The following RGS5 variants were observed in gnomAD, a reference collection of about 807,000 sequenced individuals.
The protein encoded by RGS5 is regulator of G-protein signalling 5.
A neutral mutation model predicts 18.9 loss-of-function variants in RGS5; 20 were observed. The ratio of observed to expected loss-of-function variants is 1.06; its 90% CI spans 0.74 to 1.54. The LOEUF (loss-of-function observed/expected upper bound fraction) is 1.54, where lower values mean the gene tolerates loss of function less well. RGS5 is among the 40% of genes most tolerant of loss of function. The pLI is 0.00. For synonymous variants in RGS5, 57 were observed against 76.2 expected (o/e 0.75, Z 1.31); for missense variants, 201 against 211.8 (o/e 0.95, Z 0.32).
At chr1:163,285,750 T>C (rs923122226) in intron 2 of RGS5, among the ~76,000 whole-genome samples, 1 of 151,830 alleles carries the variant, frequency 6.6e-6, no homozygotes, top group Non-Finnish European at 1.5e-5. Context: ...AATCTGGTTG[T>C]TTGAAAGTTT....
At chr1:163,190,949 T>C (rs948116563) in intron 1 of RGS5, among the ~76,000 whole-genome samples, 22 of 152,222 alleles carry the variant, frequency 1.4e-4, no homozygotes, top group African/African-American at 4.1e-4. Flanking sequence ...CTGATGACCA[T>C]CAGAAGTCCC....
At chr1:163,289,227 T>C (rs1649217844) in intron 2 of RGS5, among the ~76,000 whole-genome samples, 1 of 151,822 alleles carries the variant, frequency 6.6e-6, no homozygotes, top group Non-Finnish European at 1.5e-5. Flanking sequence ...GCCTCCACCC[T>C]TTTCTGCTTG....
At chr1:163,173,622 G>A (rs769269932) in intron 1 of RGS5, among the ~76,000 whole-genome samples, 1 of 152,168 alleles carries the variant, frequency 6.6e-6, no homozygotes, top group Non-Finnish European at 1.5e-5. Flanking sequence ...AATGTGTGAA[G>A]AACCAATTAT....
chr1:163,239,275 A>G (rs1647719574), intron 2 of RGS5: 1 of 152,154 alleles, frequency 6.6e-6, no homozygotes. Flanking sequence ...CAGGAGTTCG[A>G]GACCAGCCTG....
At chr1:163,184,948 A>G (rs184074230) in intron 1 of RGS5, among the ~76,000 whole-genome samples, 19 of 152,240 alleles carry the variant, frequency 1.2e-4, no homozygotes, top group Non-Finnish European at 2.1e-4. Flanking sequence ...AATACACCTC[A>G]CTTAGCTTTT....
intron 2 of RGS5, among the ~76,000 whole-genome samples, chr1:163,282,047 GCA>G (rs76600062): frequency 0.12 from 16,022 of 130,360 alleles, 1,298 homozygotes; most frequent in South Asian, 0.24. Flanking sequence ...GCACGCGCGC[GCA>G]CACACACACA....
chr1:163,291,299 C>T (rs1649281218), intron 2 of RGS5, among the ~76,000 whole-genome samples: 1 of 152,078 alleles, frequency 6.6e-6, no homozygotes, highest in South Asian at 2.1e-4. Context: ...ATCTATCTAG[C>T]CAACCCCATC....
chr1:163,163,869 A>G (rs1399669041), intron 2 of RGS5, among the ~76,000 whole-genome samples: 3 of 152,244 alleles, frequency 2.0e-5, no homozygotes, highest in Non-Finnish European at 4.4e-5. Flanking sequence ...AAATGAAATC[A>G]CTTTCCTGCC....
At chr1:163,182,865 C>T (rs563583102) in intron 1 of RGS5, among the ~76,000 whole-genome samples, 63 of 151,894 alleles carry the variant, frequency 4.1e-4, no homozygotes, top group Non-Finnish European at 8.2e-4. Context: ...ACTTTATAGA[C>T]TGAAAGTTTC....
chr1:163,226,583 G>T (rs945967265), intron 2 of RGS5, among the ~76,000 whole-genome samples: 1 of 152,136 alleles, frequency 6.6e-6, no homozygotes, highest in African/African-American at 2.4e-5. Flanking sequence ...TTTTTGAGAT[G>T]CACCGCCACC....
chr1:163,188,786 C>T (rs984516974), intron 1 of RGS5, among the ~76,000 whole-genome samples: 11 of 151,864 alleles, frequency 7.2e-5, no homozygotes, highest in African/African-American at 2.2e-4. Context: ...GGTGAAACCC[C>T]GTCTCTACTA....
chr1:163,177,826 G>A (rs10159453), intron 1 of RGS5, among the ~76,000 whole-genome samples: 18,113 of 152,158 alleles, frequency 0.12, 1,087 homozygotes, highest in South Asian at 0.22. Context: ...AAAGACTGTT[G>A]CCAGGCATTT....
intron 2 of RGS5, among the ~76,000 whole-genome samples, chr1:163,275,105 A>T (rs577055163): frequency 3.9e-5 from 6 of 152,234 alleles, no homozygotes; most frequent in African/African-American, 1.4e-4. Context: ...GACAGAGCAA[A>T]AACCTGTCTC....
At chr1:163,292,344 T>C (rs553119186) in intron 2 of RGS5, among the ~76,000 whole-genome samples, 21 of 152,342 alleles carry the variant, frequency 1.4e-4, no homozygotes, top group African/African-American at 4.8e-4. Context: ...GCAAAAGACA[T>C]GATCTCATTC....
chr1:163,293,267 TAA>T lies in RGS5; in HGVS notation c.-281+12964_-281+12965del, dbSNP rs555755431. ...CTACCTAAGACTGGGTATTTATAAA[TAA>T]AAGAGGCTTAATTGACTCACAGTTC... On this transcript the variant is annotated intron_variant, in intron 2 of 5. Transcript: ENST00000618415. 8.4e-4 allele frequency among the ~76,000 whole-genome samples: 128 copies of T among 152,266 alleles called. 1 individual carries two copies. Among genetic ancestry groups the T allele is most frequent in the Admixed American group, 1.5e-3 (23 of 15,286 alleles).
At chr1:163,191,519 C>T (rs536630559) in intron 1 of RGS5, among the ~76,000 whole-genome samples, 142 of 152,222 alleles carry the variant, frequency 9.3e-4, no homozygotes, top group African/African-American at 3.3e-3. Flanking sequence ...AAAATGGGAG[C>T]AGTGAAGGTG....
chr1:163,222,151 T>G (rs138301884), upstream of RGS5, among the ~76,000 whole-genome samples: 1 of 151,990 alleles, frequency 6.6e-6, no homozygotes, highest in South Asian at 2.1e-4. Flanking sequence ...GGCCGCCTGA[T>G]CAGTACCAGT....
intron 2 of RGS5, among the ~76,000 whole-genome samples, chr1:163,240,250 T>A (rs1647753047): frequency 6.6e-6 from 1 of 151,792 alleles, no homozygotes; most frequent in Admixed American, 6.6e-5. Flanking sequence ...TACGGAATGG[T>A]CATACATTGG....
At chr1:163,206,897 T>G (rs1232876512), upstream of RGS5, 1 of 152,210 alleles carries the variant, frequency 6.6e-6, no homozygotes, top group Non-Finnish European at 1.5e-5. Context: ...AAGTATATAG[T>G]AATTATTGGT....
Sources: gnomAD v4.1 joint callset for allele counts (sites outside exome capture counted in the v4.1 genomes callset) on GRCh38, gnomAD v4.1.1 for gene constraint, MANE v1.5 for transcripts, NCBI Gene and HGNC (gene_info 2026-07-23, HGNC 2026-07-21) for gene names.